The following RNASEL variants were observed in gnomAD, a reference collection of about 807,000 sequenced individuals.
The protein encoded by RNASEL is 2-5A-dependent ribonuclease.
RNASEL carries 36 observed loss-of-function variants against 50.9 expected under a neutral mutation model. The ratio of observed to expected loss-of-function variants is 0.71; its 90% CI spans 0.54 to 0.93. The LOEUF (loss-of-function observed/expected upper bound fraction) is 0.93, where lower values mean the gene tolerates loss of function less well. Ranked by LOEUF, RNASEL falls within the 40% of genes least tolerant of loss-of-function variation. The pLI, the probability that RNASEL is intolerant of heterozygous loss-of-function variation, is 0.00. For synonymous variants in RNASEL, 335 were observed against 335.6 expected (o/e 1.00, Z 0.02); for missense variants, 860 against 894.5 (o/e 0.96, Z 0.49).
chr1:182,583,618 C>T (rs1661539738), intron 3 of RNASEL, among the ~76,000 whole-genome samples: 1 of 151,886 alleles, frequency 6.6e-6, no homozygotes, highest in Non-Finnish European at 1.5e-5. Flanking sequence ...ACGGTGGGCA[C>T]CATCTAATCA....
At position 182,586,101 on chromosome 1, in the gene RNASEL, C is replaced by T. The variant is rs2102371259; in HGVS notation, c.706G>A (p.Gly236Arg). 1 of 1,614,114 alleles carries T rather than the reference C, an allele frequency of 6.2e-7. No individual in the cohort carries two copies. Among genetic ancestry groups the T allele is most frequent in the East Asian group, 2.2e-5 (1 of 44,876 alleles). The change falls in exon 2 of 7, where the codon GGA (glycine) becomes AGA (arginine). Residue 236 changes from glycine to arginine, a missense_variant. By Grantham distance (125) the Gly-to-Arg change is moderately radical. Coordinates refer to ENST00000367559, the MANE Select transcript of RNASEL (RefSeq NM_021133.4). ...LDHGADVNVR[G>R]ERGKTPLILA... ...ATCAGGGGAGTCTTCCCTCTTTCTC[C>T]CCTCACATTGACATCAGCCCCATGG...
In RNASEL at chr1:182,573,882, A is replaced by G. The variant is rs571464686; in HGVS notation, c.*1510T>C. The G allele has an allele frequency of 5.1e-6, 1 of 196,622 alleles. No homozygotes were observed. The highest frequency in any genetic ancestry group is 1.1e-5 in the Non-Finnish European group (1 of 94,796). 12.2% of individuals were successfully genotyped at this position (196,622 alleles called of 1,614,324 possible). On this transcript the variant is annotated 3_prime_UTR_variant, in exon 7 of 7. Transcript: ENST00000367559. ...GAACCTAAGGTACTGTTTTATTCCC[A>G]TTACAAAGCTCCATCTCAACCACCA...
Position 182,576,400 on chromosome 1 carries a change from AAAAAATAACAC to A in RNASEL, c.1906-22_1906-12del. 1 of 1,543,898 alleles carries A rather than the reference AAAAAATAACAC, an allele frequency of 6.5e-7. No individual in the cohort carries two copies. Among genetic ancestry groups the A allele is most frequent in the Middle Eastern group, 1.7e-4 (1 of 5,734 alleles). ...AACACATTCATTAATCTAAAAAAAC[AAAAAATAACAC>A]AAAAATGTGGTAGCAACACAAAATA... is the stretch of plus-strand genomic sequence containing the variant. On this transcript the variant is annotated splice_polypyrimidine_tract_variant and intron_variant, in intron 5 of 6. Transcript: ENST00000367559.
chr1:182,575,022 C>A lies in RNASEL; in HGVS notation c.*370G>T. 1 of 353,386 alleles carries A rather than the reference C, an allele frequency of 2.8e-6. No individual in the cohort carries two copies. Among genetic ancestry groups the A allele is most frequent in the East Asian group, 4.6e-5 (1 of 21,614 alleles). 21.9% of individuals were successfully genotyped at this position (353,386 alleles called of 1,614,324 possible). A position where few individuals can be genotyped will look rare whatever the true frequency, so the allele number is the denominator to read the frequency against. ...GGCCAGTAGCTCACACTCTCTGAGTCTCAGGTTCCTCAGTTCTTAAATGGG... is the reference window on the plus strand; with the variant it reads ...GGCCAGTAGCTCACACTCTCTGAGTATCAGGTTCCTCAGTTCTTAAATGGG... On this transcript the variant is annotated 3_prime_UTR_variant, in exon 7 of 7. Transcript: ENST00000367559.
chr1:182,576,366 T>G lies in RNASEL; in HGVS notation c.1929A>C (p.Lys643Asn). The change falls in exon 6 of 7, where the codon AAA becomes AAC. Residue 643 changes from lysine to asparagine, a missense_variant. Physicochemically the swap from Lys to Asn is moderately conservative, Grantham distance 94 (BLOSUM62 0). Transcript: ENST00000367559. ...CTCTTTTTTCATAAAACTTATTCAT[T>G]TTTTTCATAACACATTCATTAATCT... ...TTKINECVMK[K>N]MNKFYEKRGN... 1 of 1,589,792 alleles carries G rather than the reference T, an allele frequency of 6.3e-7. No individual in the cohort carries two copies. Among genetic ancestry groups the G allele is most frequent in the Non-Finnish European group, 8.6e-7 (1 of 1,159,564 alleles).
chr1:182,574,650 A>T lies in RNASEL; in HGVS notation c.*742T>A, dbSNP rs111705002. The T allele has an allele frequency of 8.4e-4, 196 of 232,802 alleles. No individual in the cohort carries two copies. The highest frequency in any genetic ancestry group is 4.2e-3 in the African/African-American group (189 of 45,360). 14.4% of individuals were successfully genotyped at this position (232,802 alleles called of 1,614,324 possible). A position where few individuals can be genotyped will look rare whatever the true frequency, so the allele number is the denominator to read the frequency against. On this transcript the variant is annotated 3_prime_UTR_variant, in exon 7 of 7. Coordinates refer to ENST00000367559, the MANE Select transcript of RNASEL (RefSeq NM_021133.4). ...CTGGTCTTTACCCACTAAATGCCAT[A>T]GCATGCTCCCCACAAAGCTGTGACA...
intron 2 of RNASEL, 112 bp downstream of exon 2, chr1:182,585,215 A>G: frequency 9.6e-7 from 1 of 1,038,500 alleles, no homozygotes. Context: ...TGATCCACAA[A>G]TTGAATCATC....
At chr1:182,575,607 G>A (rs370049457) in intron 6 of RNASEL, 29 bp from the exon 7 acceptor site, 2 of 1,613,088 alleles carry the variant, frequency 1.2e-6, no homozygotes, top group Admixed American at 1.7e-5. Context: ...TGTTCAGCAT[G>A]CTTGCCCCAA....
intron 5 of RNASEL, chr1:182,576,958 C>G (rs757793031): frequency 5.3e-5 from 8 of 151,114 alleles, no homozygotes; most frequent in African/African-American, 9.7e-5. Flanking sequence ...CTCACTGCAA[C>G]CTCCGCCTCC....
intron 5 of RNASEL, chr1:182,576,629 G>A (rs1248848901): frequency 1.0e-5 from 4 of 393,210 alleles, no homozygotes. Flanking sequence ...CACTTTCAGA[G>A]GCCGAAATGG....
rs1285228480 is a variant in RNASEL at position 182,575,051 on chromosome 1, G to A, written c.*341C>T. 1.1e-5 allele frequency: 4 copies of A among 377,786 alleles called. No homozygotes were observed. In the East Asian group the frequency reaches 1.8e-4, roughly 17 times the overall value. 23.4% of individuals were successfully genotyped at this position (377,786 alleles called of 1,614,324 possible). On this transcript the variant is annotated 3_prime_UTR_variant, in exon 7 of 7. Coordinates refer to ENST00000367559, the MANE Select transcript of RNASEL (RefSeq NM_021133.4). ...GGTTCCTCAGTTCTTAAATGGGGAT[G>A]ATAATCCCTGTTTTGCAAGATCATT...
At position 182,586,072 on chromosome 1, in the gene RNASEL, C is replaced by T; in HGVS notation, c.735G>A (p.Leu245=). 1 of 1,614,122 alleles carries T rather than the reference C, an allele frequency of 6.2e-7. No homozygotes were observed. The highest frequency in any genetic ancestry group is 8.5e-7 in the Non-Finnish European group (1 of 1,180,030). ...AACCCAAGTGCTTCTTCTCCACTGCCAGGATCAGGGGAGTCTTCCCTCTTT... is the reference window on the plus strand; with the variant it reads ...AACCCAAGTGCTTCTTCTCCACTGCTAGGATCAGGGGAGTCTTCCCTCTTT... ...RGERGKTPLI[L]AVEKKHLGLV... Residue 245 remains leucine (L), a synonymous_variant, in exon 2 of 7, where the codon CTG becomes CTA. Transcript: ENST00000367559.
intron 5 of RNASEL, among the ~76,000 whole-genome samples, chr1:182,580,971 A>T (rs1008099025): frequency 6.6e-6 from 1 of 152,124 alleles, no homozygotes; most frequent in Non-Finnish European, 1.5e-5. Context: ...AAGGCCATCC[A>T]GGGGGAGCCT....
Position 182,576,236 on chromosome 1 carries a change from G to A in RNASEL, c.2039+20C>T. 2 of 1,602,104 alleles carry A rather than the reference G, an allele frequency of 1.2e-6. No individual in the cohort carries two copies. The highest frequency in any genetic ancestry group is 2.2e-5 in the East Asian group (1 of 44,632). ...GTTCTCATTTCACATATAATTTGTA[G>A]GAATGAAAACAATACTTACTTTTTA... On this transcript the variant is annotated intron_variant, in intron 6 of 6. Transcript: ENST00000367559.
At chr1:182,587,004 A>G (rs1168131545) in intron 1 of RNASEL, 34 bp from the exon 2 acceptor site, 2 of 590,256 alleles carry the variant, frequency 3.4e-6, no homozygotes, top group Non-Finnish European at 5.9e-6. Context: ...GTAATTTTAC[A>G]ATAGGGAGAA....
chr1:182,575,266 T>C lies in RNASEL; in HGVS notation c.*126A>G. Reference sequence around the variant, plus strand: ...ATATGGAATACACGATGCCAGGGACTGACATATCAGCTATGCAACTCATCC... The same window carrying C: ...ATATGGAATACACGATGCCAGGGACCGACATATCAGCTATGCAACTCATCC... On this transcript the variant is annotated 3_prime_UTR_variant, in exon 7 of 7. Transcript: ENST00000367559. 5.7e-6 allele frequency: 5 copies of C among 880,630 alleles called. No individual in the cohort carries two copies. Among genetic ancestry groups the C allele is most frequent in the Non-Finnish European group, 9.6e-6 (5 of 519,576 alleles). 54.6% of individuals were successfully genotyped at this position (880,630 alleles called of 1,614,324 possible).
Position 182,585,674 on chromosome 1 carries a change from C to A in RNASEL, c.1133G>T (p.Gly378Val), listed in dbSNP as rs201388394. ...CTTCTCATAGAACCCCAGGTAGATG[C>A]CTCCTTCTGAAGTATCAGCAATTTT... ...KYKIADTSEG[G>V]IYLGFYEKQE... Residue 378 changes from glycine to valine, a missense_variant, in exon 2 of 7, where the codon GGC (glycine) becomes GTC (valine). Physicochemically the swap from Gly to Val is moderately radical, Grantham distance 109. Coordinates refer to ENST00000367559, the MANE Select transcript of RNASEL (RefSeq NM_021133.4). The A allele has an allele frequency of 3.7e-6, 6 of 1,614,136 alleles. No individual in the cohort carries two copies. Among genetic ancestry groups the A allele is most frequent in the Non-Finnish European group, 5.1e-6 (6 of 1,180,028 alleles).
At chr1:182,579,124 A>G (rs1157607742) in intron 5 of RNASEL, 1 of 423,468 alleles carries the variant, frequency 2.4e-6, no homozygotes, top group Non-Finnish European at 3.2e-6. Context: ...TAATGGGTAC[A>G]ATGTGCGTTA....
chr1:182,576,144 T>C (rs1376501378), intron 6 of RNASEL, 112 bp downstream of exon 6: 1 of 1,112,184 alleles, frequency 9.0e-7, no homozygotes, highest in African/African-American at 1.6e-5. Context: ...GAATTACTTT[T>C]CTTTCATCAA....
Sources: allele counts gnomAD v4.1 joint callset (sites outside exome capture counted in the v4.1 genomes callset), GRCh38; gene constraint gnomAD v4.1.1; transcripts MANE v1.5; gene names NCBI Gene and HGNC (gene_info 2026-07-23, HGNC 2026-07-21).